Variants in NLRC5 observed in about 807,000 individuals in gnomAD.
The protein encoded by NLRC5 is NLR family CARD domain containing 5, also known as protein NLRC5.
Under a neutral mutation model 206.9 loss-of-function variants are expected in NLRC5, and 114 were observed. That is an observed-to-expected ratio of 0.55 (90% CI 0.47 to 0.64). The LOEUF is 0.64. Among genes scored for constraint, NLRC5 ranks in the 30% least tolerant of loss-of-function variants. NLRC5 has a pLI of 0.00. For missense variants in NLRC5, 2,008 were observed against 2,305.5 expected (o/e 0.87, Z 2.64); for synonymous variants, 952 against 962.8 (o/e 0.99, Z 0.21).
intron 1 of NLRC5, among the ~76,000 whole-genome samples, chr16:57,012,703 G>A (rs563795999): frequency 5.3e-5 from 8 of 152,198 alleles, no homozygotes; most frequent in South Asian, 2.1e-4. Flanking sequence ...ACCCCCGTCC[G>A]GGGAAAAAAT....
At chr16:57,078,470 T>TTTTTTG (rs2068705615) in intron 43 of NLRC5, among the ~76,000 whole-genome samples, 3 of 128,834 alleles carry the variant, frequency 2.3e-5, no homozygotes, top group East Asian at 2.7e-4. Context: ...GACCTTGTTT[T>TTTTTTG]TTTTTTTTTT....
chr16:57,059,617 TG>T, intron 30 of NLRC5, 85 bp downstream of exon 30: 1 of 1,289,940 alleles, frequency 7.8e-7, no homozygotes, highest in African/African-American at 1.5e-5. Context: ...CCCTCTTCCC[TG>T]GGCCCTCTCC....
intron 33 of NLRC5, among the ~76,000 whole-genome samples, 194 bp downstream of exon 33, chr16:57,065,492 A>T (rs1189894144): frequency 1.3e-5 from 2 of 152,198 alleles, no homozygotes; most frequent in South Asian, 2.1e-4. Context: ...TAGTCAAGCC[A>T]CAGTGTCAGA....
intron 3 of NLRC5, among the ~76,000 whole-genome samples, chr16:57,021,931 TACAC>T (rs1224132051): frequency 2.0e-5 from 3 of 152,222 alleles, no homozygotes; most frequent in Admixed American, 6.5e-5. Flanking sequence ...CATATGCAGA[TACAC>T]ACAGTGCATA....
intron 28 of NLRC5, 31 bp downstream of exon 28, chr16:57,058,179 G>C: frequency 6.3e-7 from 1 of 1,577,906 alleles, no homozygotes; most frequent in Non-Finnish European, 8.7e-7. Context: ...AGGACAGATA[G>C]CAAGGAGGAA....
intron 1 of NLRC5, chr16:57,013,930 T>C: frequency 2.0e-6 from 1 of 489,850 alleles, no homozygotes; most frequent in Non-Finnish European, 3.8e-6. Flanking sequence ...CAATTTTTAC[T>C]GCACACAGAT....
At position 57,077,260 on chromosome 16, in the gene NLRC5, C is replaced by T. The variant is rs112202253; in HGVS notation, c.4836-36C>T. On this transcript the variant is annotated intron_variant, in intron 40 of 48. Transcript: ENST00000688547. ...GGAGTGGGGTGTGGACAAGATGAGA[C>T]GGCAGAAGGCTGATGAAGCTGTTTT... 206 of 1,587,422 alleles carry T rather than the reference C, an allele frequency of 1.3e-4. 1 individual carries two copies. Among genetic ancestry groups the T allele is most frequent in the Middle Eastern group, 3.3e-4 (2 of 5,998 alleles).
intron 2 of NLRC5, 86 bp from the exon 3 acceptor site, chr16:57,020,615 C>T: frequency 3.7e-6 from 1 of 270,958 alleles, no homozygotes. Context: ...CCCAGCTCAA[C>T]TCCCCCCAAG....
chr16:57,040,011 G>C (rs577840556), intron 16 of NLRC5, among the ~76,000 whole-genome samples, 162 bp downstream of exon 16: 3 of 152,322 alleles, frequency 2.0e-5, no homozygotes, highest in East Asian at 1.9e-4. Flanking sequence ...AGCCCCAAAG[G>C]GGGAGGGTCC....
At chr16:57,060,920 G>A (rs1193921877) in intron 30 of NLRC5, among the ~76,000 whole-genome samples, 2 of 152,238 alleles carry the variant, frequency 1.3e-5, no homozygotes, top group Non-Finnish European at 2.9e-5. Context: ...CCAGGGCTGA[G>A]ATGCCTGGAC....
At chr16:57,042,832 C>T (rs142613015) in intron 19 of NLRC5, among the ~76,000 whole-genome samples, 2 of 152,166 alleles carry the variant, frequency 1.3e-5, no homozygotes, top group African/African-American at 4.8e-5. Context: ...GGCCTAAGGA[C>T]CCCCTGCTCA....
intron 1 of NLRC5, among the ~76,000 whole-genome samples, chr16:57,000,917 G>T (rs2142292278): frequency 1.3e-5 from 2 of 152,280 alleles, no homozygotes; most frequent in South Asian, 2.1e-4. Flanking sequence ...TCTTAGTTTT[G>T]TTTCCTCTGC....
At chr16:57,079,327 T>C in intron 45 of NLRC5, 35 bp downstream of exon 45, 1 of 1,605,498 alleles carries the variant, frequency 6.2e-7, no homozygotes, top group Non-Finnish European at 8.5e-7. Context: ...AGGGGACCAG[T>C]GGCAGGCTGA....
intron 1 of NLRC5, among the ~76,000 whole-genome samples, chr16:56,995,968 G>C (rs1197454170): frequency 6.6e-6 from 1 of 152,124 alleles, no homozygotes; most frequent in Admixed American, 6.6e-5. Flanking sequence ...TGACAAATTT[G>C]TTCCCTTTTC....
intron 1 of NLRC5, among the ~76,000 whole-genome samples, chr16:57,010,199 G>A (rs567722510): frequency 1.4e-4 from 22 of 152,264 alleles, no homozygotes; most frequent in African/African-American, 5.1e-4. Flanking sequence ...GTGGAGTTGG[G>A]AGAATTAAAT....
intron 3 of NLRC5, among the ~76,000 whole-genome samples, chr16:57,021,314 T>TG (rs547415129): frequency 2.9e-5 from 4 of 140,270 alleles, no homozygotes; most frequent in Non-Finnish European, 6.2e-5. Flanking sequence ...TTGGCGGGGG[T>TG]GGGGGGGTGT....
intron 2 of NLRC5, among the ~76,000 whole-genome samples, chr16:57,018,054 G>T (rs2060269102): frequency 6.6e-6 from 1 of 152,204 alleles, no homozygotes; most frequent in African/African-American, 2.4e-5. Flanking sequence ...TGGAAACAAA[G>T]GTATTGTGTT....
rs754374462 is a variant in NLRC5 at position 57,037,215 on chromosome 16, C to T, written c.2732C>T (p.Ser911Phe). Residue 911 changes from serine (S) to phenylalanine (F), a missense_variant, in exon 15 of 49, where the codon TCT becomes TTT. Transcript: ENST00000688547. ...CACAGCCTCAGTAACAACGGGCTTT[C>T]TGTGGCCGGGGTGCATTGTGTGCTG... ...RKLDLSNNGL[S>F]VAGVHCVLRA... The T allele has an allele frequency of 4.3e-6, 7 of 1,613,756 alleles. No homozygotes were observed. The highest frequency in any genetic ancestry group is 1.6e-4 in the Middle Eastern group (1 of 6,082).
chr16:56,998,860 C>T (rs2057936746), intron 1 of NLRC5, among the ~76,000 whole-genome samples: 2 of 152,210 alleles, frequency 1.3e-5, no homozygotes, highest in South Asian at 4.1e-4. Context: ...TTTATTATGG[C>T]TGTCTAGGGT....
Sources: gnomAD v4.1 joint callset for allele counts (sites outside exome capture counted in the v4.1 genomes callset) on GRCh38, gnomAD v4.1.1 for gene constraint, MANE v1.5 for transcripts, NCBI Gene and HGNC (gene_info 2026-07-23, HGNC 2026-07-21) for gene names.